The following TBC1D15 variants were observed in gnomAD, a reference collection of about 807,000 sequenced individuals.
The protein encoded by TBC1D15 is TBC1 domain family member 15, also known as GAP for RAB7.
In TBC1D15, 39 loss-of-function variants were observed where a neutral mutation model predicts 95.4. The observed-to-expected ratio is 0.41, with a 90% CI of 0.32 to 0.53. TBC1D15 has a LOEUF of 0.53. Among genes scored for constraint, TBC1D15 ranks in the 20% least tolerant of loss-of-function variants. The pLI is 0.29. For synonymous variants in TBC1D15, 258 were observed against 261.3 expected, an observed-to-expected ratio of 0.99 and a Z score of 0.12; for missense variants, 733 against 794.3, an observed-to-expected ratio of 0.92 and a Z score of 0.93.
intron 11 of TBC1D15, chr12:71,907,606 A>G (rs1353520204): frequency 6.6e-6 from 1 of 152,436 alleles, no homozygotes; most frequent in Non-Finnish European, 1.5e-5. Flanking sequence ...CACATAGGAT[A>G]TGAATACTTA....
rs73140676 is a variant in TBC1D15 at position 71,898,972 on chromosome 12, G to C, written c.1183+1031G>C. Among the ~76,000 whole-genome samples, 850 of 152,218 alleles carry C rather than the reference G, an allele frequency of 5.6e-3. 6 individuals carry two copies. Among genetic ancestry groups the C allele is most frequent in the South Asian group, 0.011 (55 of 4,824 alleles). The stretch of plus-strand genomic sequence containing the variant: ...TAAGGCGAAAGTTTGGGAGTCCTGA[G>C]TTTTGGAGTTTAATCTAAAGTTTCT... On this transcript the variant is annotated intron_variant, in intron 10 of 16. Coordinates refer to ENST00000485960, the MANE Select transcript of TBC1D15 (RefSeq NM_001146213.3).
chr12:71,907,157 TA>T lies in TBC1D15; in HGVS notation c.1300+21del. Reference sequence around the variant, plus strand: ...GATTTAGGTAAGTTCTCTAAAGTTCTAATTTTAAAAGATGTAAATATATTTA... The same window carrying T: ...GATTTAGGTAAGTTCTCTAAAGTTCTATTTTAAAAGATGTAAATATATTTA... On this transcript the variant is annotated intron_variant, in intron 11 of 16. Transcript: ENST00000485960. The T allele has an allele frequency of 7.0e-7, 1 of 1,421,888 alleles. No individual in the cohort carries two copies. Among genetic ancestry groups the T allele is most frequent in the South Asian group, 1.2e-5 (1 of 81,152 alleles). The allele number at this position is 1,421,888 out of a possible 1,614,324, so 88.1% of individuals were successfully genotyped here. A position where few individuals can be genotyped will look rare whatever the true frequency, so the allele number is the denominator to read the frequency against.
At chr12:71,886,743 G>A (rs1896303428) in intron 5 of TBC1D15, among the ~76,000 whole-genome samples, 1 of 152,186 alleles carries the variant, frequency 6.6e-6, no homozygotes. Context: ...ATCTCGAAGT[G>A]AGAACCTGTG....
At chr12:71,851,640 A>C (rs534878025) in intron 1 of TBC1D15, among the ~76,000 whole-genome samples, 1 of 152,242 alleles carries the variant, frequency 6.6e-6, no homozygotes, top group African/African-American at 2.4e-5. Flanking sequence ...AAAATCGGCC[A>C]AAAGAAAGGG....
At chr12:71,859,649 C>T (rs328785) in intron 1 of TBC1D15, among the ~76,000 whole-genome samples, 4,143 of 151,940 alleles carry the variant, frequency 0.027, 192 homozygotes, top group African/African-American at 0.093. Flanking sequence ...ACTATGTTGC[C>T]CGGGCTGGAG....
intron 15 of TBC1D15, 75 bp from the exon 16 acceptor site, chr12:71,921,293 A>G (rs1356401636): frequency 1.4e-6 from 1 of 707,742 alleles, no homozygotes; most frequent in Non-Finnish European, 2.1e-6. Flanking sequence ...TATAACTGGT[A>G]ATAAATTGTT....
Position 71,907,096 on chromosome 12 carries a change from C to T in TBC1D15, c.1258C>T (p.His420Tyr). ...AGATAATCCAGGGTTGATTTTACTT[C>T]ATGACATTTTGATGACCTACTGTAT... ...GQDNPGLILL[H>Y]DILMTYCMYD... is the part of the protein sequence containing the mutation. The change falls in exon 11 of 17, where the codon CAT (histidine) becomes TAT (tyrosine). Residue 420 changes from histidine to tyrosine, a missense_variant. By Grantham distance (83) the His-to-Tyr change is moderately conservative. Transcript: ENST00000485960. 4 of 1,611,162 alleles carry T rather than the reference C, an allele frequency of 2.5e-6. No homozygotes were observed. Among genetic ancestry groups the T allele is most frequent in the Non-Finnish European group, 3.4e-6 (4 of 1,178,296 alleles).
At chr12:71,884,602 T>G (rs1319659918) in intron 4 of TBC1D15, among the ~76,000 whole-genome samples, 1 of 152,132 alleles carries the variant, frequency 6.6e-6, no homozygotes, top group Non-Finnish European at 1.5e-5. Context: ...TTTAAAACAT[T>G]TATATGTGGT....
intron 13 of TBC1D15, 69 bp downstream of exon 13, chr12:71,917,866 CTCTTTAAA>C: frequency 9.2e-7 from 1 of 1,088,394 alleles, no homozygotes; most frequent in Non-Finnish European, 1.4e-6. Context: ...ATGTAAAGAA[CTCTTTAAA>C]GAAGCCAGGT....
At chr12:71,878,822 G>T in intron 3 of TBC1D15, among the ~76,000 whole-genome samples, 1 of 149,898 alleles carries the variant, frequency 6.7e-6, no homozygotes. Context: ...TGGCCTGAGG[G>T]TTGATTTAAA....
chr12:71,893,284 T>C lies in TBC1D15; in HGVS notation c.617T>C (p.Phe206Ser), dbSNP rs1267563833. The change falls in exon 6 of 17, where the codon TTT (phenylalanine) becomes TCT (serine). Residue 206 changes from phenylalanine to serine, a missense_variant. Phe to Ser is a radical substitution (Grantham distance 155). Transcript: ENST00000485960. ...NCQNKSLSQS[F>S]ENLLDEPAYG... ...CAGAATAAGAGTCTTTCACAGTCTT[T>C]TGAAAATCTTCTTGATGAGCCAGCA... 8 of 1,610,292 alleles carry C rather than the reference T, an allele frequency of 5.0e-6. No individual in the cohort carries two copies. The highest frequency in any genetic ancestry group is 6.8e-6 in the Non-Finnish European group (8 of 1,178,068).
intron 1 of TBC1D15, among the ~76,000 whole-genome samples, chr12:71,861,207 A>G (rs1037148676): frequency 3.4e-4 from 51 of 152,200 alleles, no homozygotes; most frequent in Middle Eastern, 6.8e-3. Flanking sequence ...TATTAGGGTA[A>G]TGCTGCCCTT....
intron 1 of TBC1D15, among the ~76,000 whole-genome samples, chr12:71,847,067 A>G (rs1002358373): frequency 2.0e-5 from 3 of 151,964 alleles, no homozygotes; most frequent in African/African-American, 7.3e-5. Context: ...CTATACAGCT[A>G]TTTTTGAGAT....
intron 10 of TBC1D15, among the ~76,000 whole-genome samples, chr12:71,904,095 A>G (rs1900100230): frequency 6.6e-6 from 1 of 152,258 alleles, no homozygotes; most frequent in Non-Finnish European, 1.5e-5. Flanking sequence ...ACTTTAATTT[A>G]CAAGTAGGAA....
intron 1 of TBC1D15, among the ~76,000 whole-genome samples, chr12:71,860,688 G>A (rs1890183512): frequency 6.6e-6 from 1 of 152,056 alleles, no homozygotes. Flanking sequence ...TGCAAACAAG[G>A]ATTCTTTACA....
intron 1 of TBC1D15, among the ~76,000 whole-genome samples, chr12:71,846,080 T>C (rs1886200284): frequency 6.6e-6 from 1 of 152,194 alleles, no homozygotes; most frequent in African/African-American, 2.4e-5. Flanking sequence ...TTCTGCCTCA[T>C]TTTTGCTTTT....
intron 1 of TBC1D15, among the ~76,000 whole-genome samples, chr12:71,851,966 G>C (rs1292979781): frequency 6.6e-6 from 1 of 152,168 alleles, no homozygotes; most frequent in Non-Finnish European, 1.5e-5. Context: ...TGGAGGCACC[G>C]ATACTACATT....
intron 1 of TBC1D15, among the ~76,000 whole-genome samples, chr12:71,842,114 T>C (rs1307251442): frequency 1.3e-5 from 2 of 152,234 alleles, no homozygotes; most frequent in African/African-American, 4.8e-5. Flanking sequence ...CTACCAGCTC[T>C]GTTGAATTAG....
intron 12 of TBC1D15, 55 bp from the exon 13 acceptor site, chr12:71,917,643 A>G: frequency 8.5e-7 from 1 of 1,169,894 alleles, no homozygotes. Context: ...ATCAGTCATT[A>G]TGTACTATAA....
Sources: gnomAD v4.1 joint callset for allele counts (sites outside exome capture counted in the v4.1 genomes callset) on GRCh38, gnomAD v4.1.1 for gene constraint, MANE v1.5 for transcripts, NCBI Gene and HGNC (gene_info 2026-07-23, HGNC 2026-07-21) for gene names.